Variants in SERAC1 observed in about 807,000 individuals in gnomAD.
The protein encoded by SERAC1 is serine active site containing 1.
A neutral mutation model predicts 85.7 loss-of-function variants in SERAC1; 36 were observed. The observed-to-expected ratio is 0.42, with a 90% CI of 0.32 to 0.55. The LOEUF (loss-of-function observed/expected upper bound fraction) is 0.55, where lower values mean the gene tolerates loss of function less well. Among genes scored for constraint, SERAC1 ranks in the 20% least tolerant of loss-of-function variants. SERAC1 has a pLI of 0.11. For missense variants in SERAC1, 629 were observed against 796.2 expected (o/e 0.79, Z 2.53); for synonymous variants, 242 against 265.3 (o/e 0.91, Z 0.85).
rs898039954 is a variant in SERAC1, at chr6:158,111,291, A to T, written c.*75T>A. On this transcript the variant is annotated 3_prime_UTR_variant, in exon 17 of 17. Coordinates refer to ENST00000647468, the MANE Select transcript of SERAC1 (RefSeq NM_032861.4). ...GATCACTATGTTTGCATGATTGCAT[A>T]GAGCTTAAAAGAAGAAACAGAACAC... 7.5e-7 allele frequency: 1 copy of T among 1,340,302 alleles called. No individual in the cohort carries two copies. The allele number at this position is 1,340,302 out of a possible 1,614,324, so 83.0% of individuals were successfully genotyped here. A position where few individuals can be genotyped will look rare whatever the true frequency, so the allele number is the denominator to read the frequency against.
At chr6:158,156,846 TTTA>T (rs1465085419) in intron 2 of SERAC1, among the ~76,000 whole-genome samples, 1 of 97,262 alleles carries the variant, frequency 1.0e-5, no homozygotes, top group African/African-American at 3.5e-5. Flanking sequence ...ATAAATATAT[TTTA>T]TATATAATAA....
At position 158,149,016 on chromosome 6, in the gene SERAC1, A is replaced by C. The variant is rs553706851; in HGVS notation, c.266-62T>G. ...TATTTTTTTTTTCTTTTGAGATGGAATCTTACTCTGTCGCCCAGGTTGGAG... is the reference window on the plus strand; with the variant it reads ...TATTTTTTTTTTCTTTTGAGATGGACTCTTACTCTGTCGCCCAGGTTGGAG... On this transcript the variant is annotated intron_variant, in intron 4 of 16. Transcript: ENST00000647468. The C allele has an allele frequency of 4.0e-6, 5 of 1,261,578 alleles. No individual in the cohort carries two copies. In the African/African-American group the frequency reaches 7.5e-5, roughly 19 times the overall value. The allele number at this position is 1,261,578 out of a possible 1,614,324, so 78.1% of individuals were successfully genotyped here.
At chr6:158,133,575 T>G (rs1241090240) in intron 8 of SERAC1, among the ~76,000 whole-genome samples, 2 of 152,010 alleles carry the variant, frequency 1.3e-5, no homozygotes, top group East Asian at 3.9e-4. Context: ...TCAGTAGAGA[T>G]AGGGTTTCAC....
In SERAC1 at chr6:158,110,369, G is replaced by C. The variant is rs374750755; in HGVS notation, c.*997C>G. 6.6e-6 allele frequency: 1 copy of C among 152,076 alleles called. No individual in the cohort carries two copies. The highest frequency in any genetic ancestry group is 2.4e-5 in the African/African-American group (1 of 41,382). 9.4% of individuals were successfully genotyped at this position (152,076 alleles called of 1,614,324 possible). On this transcript the variant is annotated 3_prime_UTR_variant, in exon 17 of 17. Transcript: ENST00000647468. The stretch of plus-strand genomic sequence containing the variant: ...CCACTGCACTCCAGCTTGGGCAACA[G>C]AGTCAGACCCTGTCTCTAAACAAAC...
At chr6:158,149,042 T>G (rs2128421838) in intron 4 of SERAC1, 88 bp from the exon 5 acceptor site, 1 of 931,226 alleles carries the variant, frequency 1.1e-6, no homozygotes, top group Non-Finnish European at 1.6e-6. Context: ...CAGGTTGGAG[T>G]GCAGTGGCAC....
chr6:158,129,711 T>G (rs886512784), intron 9 of SERAC1, among the ~76,000 whole-genome samples: 4 of 151,742 alleles, frequency 2.6e-5, no homozygotes, highest in African/African-American at 9.7e-5. Context: ...GTTTTTTTTT[T>G]TTTGAGATGG....
intron 5 of SERAC1, among the ~76,000 whole-genome samples, chr6:158,147,779 A>G (rs1342606892): frequency 3.9e-5 from 4 of 102,492 alleles, no homozygotes; most frequent in African/African-American, 1.2e-4. Flanking sequence ...AAAAAAAAAA[A>G]AAAAAAAAAA....
In SERAC1 at chr6:158,143,305, GTC is replaced by G. The variant is rs753181670; in HGVS notation, c.610-123_610-122del. 1,715 of 605,978 alleles carry G rather than the reference GTC, an allele frequency of 2.8e-3. 12 individuals carry two copies. The highest frequency in any genetic ancestry group is 8.3e-3 in the African/African-American group (386 of 46,456). The allele number at this position is 605,978 out of a possible 1,614,324, so 37.5% of individuals were successfully genotyped here. ...TCAAAGCCATATATTATGTGTGCAT[GTC>G]TCTCTCTCTCTCTCTCTCTCTCTCT... is the stretch of plus-strand genomic sequence containing the variant. On this transcript the variant is annotated intron_variant, in intron 7 of 16. Coordinates refer to ENST00000647468, the MANE Select transcript of SERAC1 (RefSeq NM_032861.4).
chr6:158,128,868 G>A (rs1784605549), intron 9 of SERAC1, among the ~76,000 whole-genome samples: 1 of 152,122 alleles, frequency 6.6e-6, no homozygotes, highest in Non-Finnish European at 1.5e-5. Flanking sequence ...ACAGATAAAA[G>A]AAAAAGAAAA....
At chr6:158,135,602 A>G (rs1784775139) in intron 8 of SERAC1, among the ~76,000 whole-genome samples, 1 of 149,254 alleles carries the variant, frequency 6.7e-6, no homozygotes, top group Non-Finnish European at 1.5e-5. Flanking sequence ...TTAGACAACA[A>G]TATTATACCA....
chr6:158,138,645 G>A (rs1191631639), intron 8 of SERAC1, among the ~76,000 whole-genome samples: 4 of 152,064 alleles, frequency 2.6e-5, no homozygotes, highest in Admixed American at 6.6e-5. Flanking sequence ...AGAACACAGA[G>A]AAGTACACAA....
In SERAC1 at chr6:158,117,598, T is replaced by G. The variant is rs117405479; in HGVS notation, c.1403+129A>C. 7.9e-4 allele frequency: 1,237 copies of G among 1,558,604 alleles called. 2 individuals are homozygous for G. Among genetic ancestry groups the G allele is most frequent in the Non-Finnish European group, 9.0e-4 (1,034 of 1,149,976 alleles). On this transcript the variant is annotated intron_variant, in intron 13 of 16. Transcript: ENST00000647468. This position sits in a 1 kb window ranked among gnomAD's most constrained non-coding sequence, Gnocchi z 4.3. Reference sequence around the variant, plus strand: ...CTTCTAGAAGGAAGACAAAAAAGATTAGGTTTGTTCTTCATAAGAAAATCC... The same window carrying G: ...CTTCTAGAAGGAAGACAAAAAAGATGAGGTTTGTTCTTCATAAGAAAATCC...
chr6:158,155,360 GAA>G lies in SERAC1; in HGVS notation c.92-11_92-10del. ...AAACTTTATTATATTTCCTTCAAAA[GAA>G]AAAAAGTCAATGTGATGAATTTCAT... is the stretch of plus-strand genomic sequence containing the variant. On this transcript the variant is annotated splice_polypyrimidine_tract_variant and intron_variant, in intron 2 of 16. Coordinates refer to ENST00000647468, the MANE Select transcript of SERAC1 (RefSeq NM_032861.4). 1 of 1,513,138 alleles carries G rather than the reference GAA, an allele frequency of 6.6e-7. No individual in the cohort carries two copies. The highest frequency in any genetic ancestry group is 9.2e-7 in the Non-Finnish European group (1 of 1,092,396). 93.7% of individuals were successfully genotyped at this position (1,513,138 alleles called of 1,614,324 possible). A position where few individuals can be genotyped will look rare whatever the true frequency, so the allele number is the denominator to read the frequency against.
chr6:158,163,615 AAAAC>A (rs1353314841), intron 1 of SERAC1, among the ~76,000 whole-genome samples: 1 of 152,236 alleles, frequency 6.6e-6, no homozygotes, highest in African/African-American at 2.4e-5. Context: ...CCCACATCTC[AAAAC>A]AAACAAACAA....
chr6:158,163,688 A>T (rs1306847966), intron 1 of SERAC1, among the ~76,000 whole-genome samples: 1 of 152,172 alleles, frequency 6.6e-6, no homozygotes, highest in South Asian at 2.1e-4. Context: ...CTATTTATCT[A>T]TCCTTATATA....
Position 158,117,820 on chromosome 6 carries a change from G to T in SERAC1, c.1310C>A (p.Thr437Lys). 1 of 1,611,082 alleles carries T rather than the reference G, an allele frequency of 6.2e-7. No homozygotes were observed. Among genetic ancestry groups the T allele is most frequent in the Non-Finnish European group, 8.5e-7 (1 of 1,177,474 alleles). Reference protein sequence around the residue: ...EDRYTTCWPKTWLAKDCPALR... With the variant: ...EDRYTTCWPKKWLAKDCPALR... Reference sequence around the variant, plus strand: ...AGCAGGACAGTCTTTTGCTAACCATGTCTAAGTAAAATAAAACATATGTGA... The same window carrying T: ...AGCAGGACAGTCTTTTGCTAACCATTTCTAAGTAAAATAAAACATATGTGA... Residue 437 changes from threonine (T) to lysine (K), a missense_variant and splice_region_variant, in exon 13 of 17, where the codon ACA becomes AAA. By Grantham distance (78) the Thr-to-Lys change is moderately conservative. Transcript: ENST00000647468. This position sits in a 1 kb window ranked among gnomAD's most constrained non-coding sequence, Gnocchi z 4.3.
rs151292833 is a variant in SERAC1, at chr6:158,129,365, G to A, written c.852+1008C>T. The stretch of plus-strand genomic sequence containing the variant: ...TCCCAAAACTGAACTGGAGAGTTCC[G>A]AATCTCAAGGATGGTGTTTGTCTTG... On this transcript the variant is annotated intron_variant, in intron 9 of 16. Transcript: ENST00000647468. Among the ~76,000 whole-genome samples the A allele has an allele frequency of 1.5e-3, 235 of 152,256 alleles. 1 individual carries two copies. The highest frequency in any genetic ancestry group is 6.8e-3 in the Middle Eastern group (2 of 294).
chr6:158,114,724 T>TC (rs1332210776), intron 15 of SERAC1, 65 bp downstream of exon 15: 11 of 1,598,996 alleles, frequency 6.9e-6, no homozygotes, highest in Non-Finnish European at 9.4e-6. Flanking sequence ...GAAGAAACTT[T>TC]TTCTTCTTCT....
chr6:158,156,919 A>ATATTAATGTATTTATATAG (rs1562459968), intron 2 of SERAC1, among the ~76,000 whole-genome samples: 3 of 60,916 alleles, frequency 4.9e-5, no homozygotes, highest in Admixed American at 2.8e-4. Flanking sequence ...TATTTATATA[A>ATATTAATGTATTTATATAG]ATATTAATAT....
Sources: gnomAD v4.1 joint callset for allele counts (sites outside exome capture counted in the v4.1 genomes callset) on GRCh38, gnomAD v4.1.1 for gene constraint, Gnocchi (gnomAD v3.1) non-coding constraint, MANE v1.5 for transcripts, NCBI Gene and HGNC (gene_info 2026-07-23, HGNC 2026-07-21) for gene names.